KCNB2: variants seen among roughly 807,000 people sequenced by gnomAD.
KCNB2 encodes potassium voltage-gated channel subfamily B member 2, also known as delayed rectifier potassium channel protein.
KCNB2 carries 15 observed loss-of-function variants against 61.5 expected under a neutral mutation model. The observed-to-expected ratio is 0.24, with a 90% CI of 0.16 to 0.38. The LOEUF (loss-of-function observed/expected upper bound fraction) is 0.38. Among genes scored for constraint, KCNB2 ranks in the 10% least tolerant of loss-of-function variants. The probability of loss-of-function intolerance (pLI) is 1.00; values close to 1 mark genes in which losing one functional copy is unlikely to be tolerated. For missense variants in KCNB2, 828 were observed against 1,125.2 expected, an observed-to-expected ratio of 0.74 and a Z score of 3.78; for synonymous variants, 457 against 446.0, an observed-to-expected ratio of 1.02 and a Z score of -0.31.
rs747507945 is a variant in KCNB2, at chr8:72,937,624, T to G, written c.2269T>G (p.Leu757Val). ...CCCGCAGCACATCAGTACCATCCTC[T>G]TAGAAGAAACCCCCTCCCAGGGAGA... ...TTPQHISTILLEETPSQGDRP... is the reference protein window; with the variant it reads ...TTPQHISTILVEETPSQGDRP... The change falls in exon 3 of 3, where the codon TTA (leucine) becomes GTA (valine). Residue 757 changes from leucine (L) to valine (V), a missense_variant. Physicochemically the swap from Leu to Val is conservative, Grantham distance 32. Coordinates refer to ENST00000523207, the MANE Select transcript of KCNB2 (RefSeq NM_004770.3). 7 of 1,613,846 alleles carry G rather than the reference T, an allele frequency of 4.3e-6. 2 individuals carry two copies. In the South Asian group the frequency reaches 7.7e-5, roughly 18 times the overall value.
chr8:72,648,133 G>A (rs1002797484), intron 2 of KCNB2, among the ~76,000 whole-genome samples: 2 of 152,136 alleles, frequency 1.3e-5, no homozygotes, highest in Non-Finnish European at 2.9e-5. Context: ...TAGTGCAGAG[G>A]TGTGAATGTT....
chr8:72,869,522 A>G (rs1267877164), intron 2 of KCNB2, among the ~76,000 whole-genome samples: 3 of 152,090 alleles, frequency 2.0e-5, no homozygotes, highest in Non-Finnish European at 4.4e-5. Context: ...AAAATAACCC[A>G]ATTTAAAAAC....
At chr8:72,703,673 AGCTGGGCCATGC>A (rs1807170817) in intron 2 of KCNB2, among the ~76,000 whole-genome samples, 1 of 152,200 alleles carries the variant, frequency 6.6e-6, no homozygotes, top group African/African-American at 2.4e-5. Flanking sequence ...GTAGGAGAGA[AGCTGGGCCATGC>A]CTTAGTGTCT....
At chr8:72,653,149 C>G (rs936689943) in intron 2 of KCNB2, among the ~76,000 whole-genome samples, 1 of 152,120 alleles carries the variant, frequency 6.6e-6, no homozygotes, top group African/African-American at 2.4e-5. Flanking sequence ...TCAAGATGAC[C>G]TTGTCCCCAA....
At chr8:72,696,732 C>T (rs755542202) in intron 2 of KCNB2, among the ~76,000 whole-genome samples, 20 of 152,136 alleles carry the variant, frequency 1.3e-4, no homozygotes, top group Non-Finnish European at 2.6e-4. Context: ...ATAAATCATT[C>T]TGCTAACTTT....
chr8:72,551,418 C>G (rs1308887244), intron 1 of KCNB2, among the ~76,000 whole-genome samples: 1 of 152,118 alleles, frequency 6.6e-6, no homozygotes, highest in Non-Finnish European at 1.5e-5. Flanking sequence ...CAGTCTGGCC[C>G]CTTGTCGCCA....
intron 2 of KCNB2, among the ~76,000 whole-genome samples, chr8:72,593,670 A>G (rs894460399): frequency 7.9e-5 from 12 of 152,196 alleles, no homozygotes; most frequent in African/African-American, 2.9e-4. Context: ...CACAGGGAGT[A>G]AGGGCCACTT....
At chr8:72,924,281 C>T (rs1043602164) in intron 2 of KCNB2, among the ~76,000 whole-genome samples, 1 of 152,110 alleles carries the variant, frequency 6.6e-6, no homozygotes, top group African/African-American at 2.4e-5. Flanking sequence ...TTGAAAAGCC[C>T]CATAGCCCAT....
chr8:72,685,296 G>GATT (rs1806831988), intron 2 of KCNB2, among the ~76,000 whole-genome samples: 1 of 151,758 alleles, frequency 6.6e-6, no homozygotes, highest in Admixed American at 6.6e-5. Flanking sequence ...CAATTTCAGG[G>GATT]TTTTTTTTCT....
chr8:72,916,176 T>A (rs1181758229), intron 2 of KCNB2, among the ~76,000 whole-genome samples: 1 of 152,204 alleles, frequency 6.6e-6, no homozygotes, highest in African/African-American at 2.4e-5. Flanking sequence ...TTAATTTGTT[T>A]ATATTAAGGG....
chr8:72,755,432 T>G (rs1808273029), intron 2 of KCNB2, among the ~76,000 whole-genome samples: 1 of 152,208 alleles, frequency 6.6e-6, no homozygotes, highest in Non-Finnish European at 1.5e-5. Context: ...AGACATGATG[T>G]AGGGGGACTC....
chr8:72,733,639 C>G (rs1445212592), intron 2 of KCNB2, among the ~76,000 whole-genome samples: 2 of 152,162 alleles, frequency 1.3e-5, no homozygotes, highest in Admixed American at 1.3e-4. Context: ...ACCCGGCACC[C>G]TGTAGACATG....
intron 2 of KCNB2, among the ~76,000 whole-genome samples, chr8:72,841,145 A>G (rs1490210994): frequency 6.6e-6 from 1 of 152,048 alleles, no homozygotes; most frequent in Non-Finnish European, 1.5e-5. Context: ...TCCCAACACC[A>G]TTTATTAAAT....
At chr8:72,636,659 G>A (rs1382198844) in intron 2 of KCNB2, among the ~76,000 whole-genome samples, 2 of 152,128 alleles carry the variant, frequency 1.3e-5, no homozygotes, top group Non-Finnish European at 2.9e-5. Flanking sequence ...AGAAGCAGAG[G>A]CAATGCTGTA....
intron 2 of KCNB2, among the ~76,000 whole-genome samples, chr8:72,907,363 AAAAAAC>A (rs937300134): frequency 2.0e-5 from 3 of 152,106 alleles, no homozygotes; most frequent in Non-Finnish European, 2.9e-5. Flanking sequence ...CTCAAAAAAC[AAAAAAC>A]AAAAACAAAA....
At chr8:72,788,532 ATTT>A (rs1313394993) in intron 2 of KCNB2, among the ~76,000 whole-genome samples, 1 of 152,032 alleles carries the variant, frequency 6.6e-6, no homozygotes, top group Non-Finnish European at 1.5e-5. Context: ...TCAACATATT[ATTT>A]TTGGGGAGAC....
At chr8:72,707,825 C>A (rs1470799138) in intron 2 of KCNB2, among the ~76,000 whole-genome samples, 2 of 152,144 alleles carry the variant, frequency 1.3e-5, no homozygotes, top group African/African-American at 4.8e-5. Flanking sequence ...ATTAAGGTAT[C>A]AGCCAGCAGG....
At chr8:72,632,150 G>A (rs968505854) in intron 2 of KCNB2, among the ~76,000 whole-genome samples, 1 of 152,040 alleles carries the variant, frequency 6.6e-6, no homozygotes, top group South Asian at 2.1e-4. Context: ...AGAAGCTAAG[G>A]TGGGAGGATC....
At chr8:72,869,042 G>T (rs1388961166) in intron 2 of KCNB2, among the ~76,000 whole-genome samples, 2 of 152,194 alleles carry the variant, frequency 1.3e-5, no homozygotes, top group Non-Finnish European at 2.9e-5. Flanking sequence ...ATTGGTGCCA[G>T]ACCCCAAGAA....
Sources: gnomAD v4.1 joint callset for allele counts (sites outside exome capture counted in the v4.1 genomes callset) on GRCh38, gnomAD v4.1.1 for gene constraint, MANE v1.5 for transcripts, NCBI Gene and HGNC (gene_info 2026-07-23, HGNC 2026-07-21) for gene names.